The following SPRY3 variants were observed in gnomAD, a reference collection of about 807,000 sequenced individuals.
SPRY3 encodes the protein protein sprouty homolog 3.
In SPRY3, 15 loss-of-function variants were observed where a neutral mutation model predicts 20.2. The observed-to-expected ratio is 0.74, with a 90% confidence interval of 0.50 to 1.14. SPRY3 has a LOEUF of 1.14. SPRY3 is among the 50% of genes most tolerant of loss of function. The pLI is 0.00. For missense variants in SPRY3, 364 were observed against 363.9 expected, an observed-to-expected ratio of 1.00 and a Z score of 0.00; for synonymous variants, 143 against 136.5, an observed-to-expected ratio of 1.05 and a Z score of -0.33.
chrX:155,697,342 A>C (rs1210011812), intron 2 of SPRY3, among the ~76,000 whole-genome samples: 3 of 110,172 alleles, frequency 2.7e-5, no homozygotes, highest in Non-Finnish European at 5.7e-5. Context: ...TTGGACGGGA[A>C]GTTACAGCCT....
chrX:155,669,153 A>C (rs1557354548), intron 2 of SPRY3, among the ~76,000 whole-genome samples: 1 of 111,188 alleles, frequency 9.0e-6, no homozygotes, highest in African/African-American at 3.3e-5. Flanking sequence ...AAAGTCCTAA[A>C]CCATTCAAGG....
intron 2 of SPRY3, among the ~76,000 whole-genome samples, chrX:155,762,018 C>G (rs963120749): frequency 3.0e-4 from 46 of 152,114 alleles, no homozygotes; most frequent in Admixed American, 1.5e-3. Context: ...CACTTAAATT[C>G]TAGTACCATA....
intron 2 of SPRY3, among the ~76,000 whole-genome samples, chrX:155,742,925 A>C (rs1046484352): frequency 6.6e-6 from 1 of 152,126 alleles, no homozygotes; most frequent in African/African-American, 2.4e-5. Flanking sequence ...AACTAAAAGA[A>C]CTAAAAGAAC....
At chrX:155,694,150 C>A (rs2068111673) in intron 2 of SPRY3, among the ~76,000 whole-genome samples, 1 of 112,112 alleles carries the variant, frequency 8.9e-6, no homozygotes, top group Non-Finnish European at 1.9e-5. Context: ...TTGGACCTAG[C>A]TCTACCATTT....
chrX:155,639,809 C>T (rs1323660640), intron 1 of SPRY3, among the ~76,000 whole-genome samples: 1 of 111,929 alleles, frequency 8.9e-6, no homozygotes, highest in Non-Finnish European at 1.9e-5. Context: ...ATAGCTGCTG[C>T]ATAATTTCAT....
intron 2 of SPRY3, among the ~76,000 whole-genome samples, chrX:155,711,607 T>C (rs2124542612): frequency 6.6e-6 from 1 of 151,864 alleles, no homozygotes; most frequent in South Asian, 2.1e-4. Flanking sequence ...AAACCAACTT[T>C]TGTTTCATTG....
chrX:155,699,594 T>C (rs2068129498), intron 2 of SPRY3, among the ~76,000 whole-genome samples: 1 of 111,280 alleles, frequency 9.0e-6, no homozygotes, highest in Non-Finnish European at 1.9e-5. Flanking sequence ...CTACTTCCAA[T>C]ACAGAAAATG....
At chrX:155,692,367 C>G (rs1256570614) in intron 2 of SPRY3, among the ~76,000 whole-genome samples, 2 of 111,285 alleles carry the variant, frequency 1.8e-5, no homozygotes, top group Non-Finnish European at 3.8e-5. Flanking sequence ...CTGAACATGT[C>G]TGAGTCTATT....
intron 1 of SPRY3, among the ~76,000 whole-genome samples, chrX:155,621,980 G>T (rs782673954): frequency 1.8e-5 from 2 of 111,849 alleles, no homozygotes; most frequent in Non-Finnish European, 3.8e-5. Flanking sequence ...GCAAAGGGCA[G>T]GTGGGTGGTC....
At chrX:155,678,864 C>T (rs142292424) in intron 2 of SPRY3, among the ~76,000 whole-genome samples, 1 of 111,864 alleles carries the variant, frequency 8.9e-6, no homozygotes, top group African/African-American at 3.2e-5. Context: ...ATAATGAGTT[C>T]TTTTACACTC....
Position 155,774,728 on chromosome X carries a change from AG to A in SPRY3, c.858del (p.Lys286AsnfsTer33). 6.2e-7 allele frequency: 1 copy of A among 1,611,526 alleles called. No homozygotes were observed. The highest frequency in any genetic ancestry group is 8.5e-7 in the Non-Finnish European group (1 of 1,178,348). ...GCACCCTTCCCCAAGGCCCAGGAAA[AG>A]TCTGTATGACCTTCCAACAAGGTGG... On this transcript the variant is annotated frameshift_variant, in exon 4 of 4. Coordinates refer to ENST00000675360, the Ensembl canonical transcript of SPRY3. LOFTEE classifies it high-confidence loss of function.
chrX:155,774,030 G>T, exon 4 of SPRY3: 4 of 1,613,916 alleles, frequency 2.5e-6, no homozygotes, highest in Non-Finnish European at 3.4e-6. Context: ...AGTCTGATTG[G>T]TCTCTGGCTA....
intron 3 of SPRY3, among the ~76,000 whole-genome samples, chrX:155,769,087 C>T (rs755630510): frequency 2.0e-5 from 3 of 152,236 alleles, no homozygotes; most frequent in East Asian, 1.9e-4. Context: ...ACAGGCTAGC[C>T]GTTTATCCAC....
At chrX:155,716,339 C>T (rs513178) in intron 2 of SPRY3, among the ~76,000 whole-genome samples, 76,997 of 151,838 alleles carry the variant, frequency 0.51, 18,488 homozygotes, top group African/African-American at 0.68. Context: ...GTTTTATTTC[C>T]TTATTGATAT....
intron 2 of SPRY3, among the ~76,000 whole-genome samples, chrX:155,734,610 TATAG>T (rs1173321897): frequency 6.6e-6 from 1 of 151,266 alleles, no homozygotes; most frequent in African/African-American, 2.4e-5. Context: ...AGAAAAACGG[TATAG>T]AGTGTCCACA....
At chrX:155,738,153 C>A (rs2091181291) in intron 2 of SPRY3, among the ~76,000 whole-genome samples, 1 of 151,088 alleles carries the variant, frequency 6.6e-6, no homozygotes, top group Admixed American at 6.6e-5. Flanking sequence ...TACCTGAGAC[C>A]AAAAGCACAA....
At chrX:155,718,371 T>C (rs2091035657) in intron 2 of SPRY3, among the ~76,000 whole-genome samples, 1 of 152,176 alleles carries the variant, frequency 6.6e-6, no homozygotes, top group African/African-American at 2.4e-5. Context: ...TAACTATGTA[T>C]AATTTTTGTG....
At chrX:155,706,697 G>T (rs1451178298) in intron 2 of SPRY3, among the ~76,000 whole-genome samples, 1 of 150,686 alleles carries the variant, frequency 6.6e-6, no homozygotes, top group Non-Finnish European at 1.5e-5. Context: ...AAAGATGAAG[G>T]AATATTAAGA....
intron 2 of SPRY3, among the ~76,000 whole-genome samples, chrX:155,700,446 G>A (rs1296963744): frequency 9.3e-6 from 1 of 107,556 alleles, no homozygotes; most frequent in Non-Finnish European, 1.9e-5. Flanking sequence ...TCAAAATAAT[G>A]GAAAAGAGTT....
Sources: gnomAD v4.1 joint callset for allele counts (sites outside exome capture counted in the v4.1 genomes callset) on GRCh38, gnomAD v4.1.1 for gene constraint, MANE v1.5 for transcripts, NCBI Gene and HGNC (gene_info 2026-07-23, HGNC 2026-07-21) for gene names.